Variants in TRPS1 observed in about 807,000 individuals in gnomAD.
TRPS1 encodes zinc finger transcription factor Trps1.
TRPS1 carries 6 observed loss-of-function variants against 101.2 expected under a neutral mutation model. The observed-to-expected ratio is 0.06, with a 90% CI of 0.03 to 0.12. The LOEUF (loss-of-function observed/expected upper bound fraction) is 0.12, where lower values mean the gene tolerates loss of function less well. Among genes scored for constraint, TRPS1 ranks in the 10% least tolerant of loss-of-function variants. The pLI is 1.00. For missense variants in TRPS1, 1,363 were observed against 1,567.0 expected (o/e 0.87, Z 2.20); for synonymous variants, 578 against 589.8 (o/e 0.98, Z 0.29).
At chr8:115,508,326 G>A (rs1053051395) in intron 5 of TRPS1, among the ~76,000 whole-genome samples, 1 of 152,086 alleles carries the variant, frequency 6.6e-6, no homozygotes, top group African/African-American at 2.4e-5. Flanking sequence ...AATATTAATA[G>A]AGAATCATCA....
In TRPS1 at chr8:115,603,858, C is replaced by A; in HGVS notation, c.2096+15G>T. The A allele has an allele frequency of 6.2e-7, 1 of 1,613,594 alleles. No homozygotes were observed. Among genetic ancestry groups the A allele is most frequent in the Non-Finnish European group, 8.5e-7 (1 of 1,179,696 alleles). On this transcript the variant is annotated intron_variant, in intron 4 of 6. Transcript: ENST00000395715. ...TATTTGTATATTCCTCCCGACCCCA[C>A]CCCCCATGCCTCACCTGTAGTGTCG... is the stretch of plus-strand genomic sequence containing the variant.
intron 5 of TRPS1, among the ~76,000 whole-genome samples, chr8:115,537,986 G>A (rs1816362795): frequency 6.6e-6 from 1 of 152,202 alleles, no homozygotes; most frequent in African/African-American, 2.4e-5. Context: ...CAGTGATCAT[G>A]AGGTTAAAAT....
In TRPS1 at chr8:115,414,057, G is replaced by T. The variant is rs370010406; in HGVS notation, c.3851C>A (p.Ala1284Glu). The T allele has an allele frequency of 6.2e-7, 1 of 1,613,326 alleles. No individual in the cohort carries two copies. The change falls in exon 7 of 7, where the codon GCA becomes GAA. Residue 1284 changes from alanine to glutamate, a missense_variant. Coordinates refer to ENST00000395715, the MANE Select transcript of TRPS1 (RefSeq NM_014112.5). This position sits in a 1 kb window ranked among gnomAD's most constrained non-coding sequence, Gnocchi z 4.8. ...AGGTTTTCCATTTTTTTCCACTTGT[G>T]CATTGTTCCTATGCAGGCCCCTCTG... is the stretch of plus-strand genomic sequence containing the variant. ...HIQRGLHRNN[A>E]QVEKNGKPKE
chr8:115,580,245 A>AAAAAT (rs1554591592), intron 5 of TRPS1, among the ~76,000 whole-genome samples: 1,422 of 139,794 alleles, frequency 0.01, 29 homozygotes, highest in African/African-American at 0.035. Context: ...AAAAAAAAAA[A>AAAAAT]ATATATATAT....
At chr8:115,625,288 T>C (rs1333038101) in intron 1 of TRPS1, among the ~76,000 whole-genome samples, 1 of 151,986 alleles carries the variant, frequency 6.6e-6, no homozygotes, top group Non-Finnish European at 1.5e-5. Context: ...GCTCGTGTGA[T>C]CAAGGGCAAG....
intron 2 of TRPS1, 125 bp downstream of exon 2, chr8:115,623,476 T>C (rs189284740): frequency 1.8e-6 from 2 of 1,091,512 alleles, no homozygotes; most frequent in East Asian, 5.2e-5. Context: ...GTAAGTTAGA[T>C]ACCATAAGAC....
intron 4 of TRPS1, among the ~76,000 whole-genome samples, chr8:115,589,552 ATTGT>A (rs765934302): frequency 1.3e-5 from 2 of 152,026 alleles, no homozygotes; most frequent in African/African-American, 2.4e-5. Flanking sequence ...TATTTTTTTC[ATTGT>A]TTAAGTAGTA....
intron 5 of TRPS1, among the ~76,000 whole-genome samples, chr8:115,497,250 G>A (rs1242849013): frequency 6.6e-6 from 1 of 152,140 alleles, no homozygotes; most frequent in African/African-American, 2.4e-5. Context: ...AGATCATCAG[G>A]CATTAGTTAG....
chr8:115,451,351 G>A (rs146809598), intron 5 of TRPS1, among the ~76,000 whole-genome samples: 249 of 149,490 alleles, frequency 1.7e-3, no homozygotes, highest in Non-Finnish European at 3.3e-3. Context: ...TATTTTCTAC[G>A]TACCAGACAT....
intron 5 of TRPS1, among the ~76,000 whole-genome samples, chr8:115,579,153 A>T (rs1817387128): frequency 1.3e-5 from 2 of 152,262 alleles, no homozygotes; most frequent in African/African-American, 4.8e-5. Flanking sequence ...CCAGTAATAA[A>T]TTAATGGAAA....
Position 115,535,677 on chromosome 8 carries a change from C to T in TRPS1, c.2700+51324G>A, listed in dbSNP as rs914522944. Among the ~76,000 whole-genome samples the T allele has an allele frequency of 1.1e-4, 17 of 150,314 alleles. No homozygotes were observed. The East Asian group carries it at 1.4e-3, about 12-fold the overall frequency. On this transcript the variant is annotated intron_variant, in intron 5 of 6. Coordinates refer to ENST00000395715, the MANE Select transcript of TRPS1 (RefSeq NM_014112.5). ...GAGATCAAGACCATCCTGGCTAACA[C>T]GGTGAAACCCCATCTCTACTAAAAA...
intron 5 of TRPS1, among the ~76,000 whole-genome samples, chr8:115,454,081 T>C (rs77269990): frequency 0.013 from 2,002 of 152,212 alleles, 43 homozygotes; most frequent in African/African-American, 0.046. Flanking sequence ...CTGGAAATTA[T>C]AGGGTAGTGG....
At chr8:115,582,294 G>A (rs1434052774) in intron 5 of TRPS1, among the ~76,000 whole-genome samples, 1 of 152,102 alleles carries the variant, frequency 6.6e-6, no homozygotes, top group African/African-American at 2.4e-5. Context: ...TCTTCTGTCA[G>A]TGGTTGTAAA....
chr8:115,471,336 A>T (rs1814463960), intron 5 of TRPS1, among the ~76,000 whole-genome samples: 2 of 152,144 alleles, frequency 1.3e-5, no homozygotes. Context: ...GAGAAGTGAC[A>T]AGCAAAGAGG....
chr8:115,622,684 T>TAAGATGACTAG (rs1818421581), intron 2 of TRPS1, among the ~76,000 whole-genome samples: 1 of 152,112 alleles, frequency 6.6e-6, no homozygotes. Context: ...GACTAGAACT[T>TAAGATGACTAG]AACACTGAAT....
intron 5 of TRPS1, among the ~76,000 whole-genome samples, chr8:115,533,403 A>G (rs1016913931): frequency 7.9e-5 from 11 of 138,752 alleles, no homozygotes; most frequent in Non-Finnish European, 1.7e-4. Flanking sequence ...AACAAGACCA[A>G]ACATTAAGGG....
intron 5 of TRPS1, among the ~76,000 whole-genome samples, chr8:115,494,266 C>T (rs189812922): frequency 2.2e-4 from 34 of 152,300 alleles, no homozygotes; most frequent in African/African-American, 6.5e-4. Flanking sequence ...TCCAGGGCAG[C>T]GGTGTGTTTT....
chr8:115,518,706 TA>T (rs1815783271), intron 5 of TRPS1, among the ~76,000 whole-genome samples: 2 of 151,858 alleles, frequency 1.3e-5, no homozygotes, highest in African/African-American at 4.8e-5. Flanking sequence ...ATATACTTAT[TA>T]AAGTTAAAGA....
intron 1 of TRPS1, among the ~76,000 whole-genome samples, chr8:115,641,139 C>T (rs1358256488): frequency 1.3e-5 from 2 of 152,194 alleles, no homozygotes; most frequent in African/African-American, 4.8e-5. Context: ...TAACTCACAG[C>T]TTGTTAAATA....
Sources: gnomAD v4.1 joint callset for allele counts (sites outside exome capture counted in the v4.1 genomes callset) on GRCh38, gnomAD v4.1.1 for gene constraint, Gnocchi (gnomAD v3.1) non-coding constraint, MANE v1.5 for transcripts, NCBI Gene and HGNC (gene_info 2026-07-23, HGNC 2026-07-21) for gene names.